The following GNL2 variants were observed in gnomAD, a reference collection of about 807,000 sequenced individuals.
GNL2 encodes the protein nucleolar GTP-binding protein 2.
A neutral mutation model predicts 92.3 loss-of-function variants in GNL2; 51 were observed. The ratio of observed to expected loss-of-function variants is 0.55; its 90% CI spans 0.44 to 0.70. GNL2 has a LOEUF of 0.70. Ranked by LOEUF, GNL2 falls within the 30% of genes least tolerant of loss-of-function variation. The pLI is 0.00. For missense variants in GNL2, 844 were observed against 895.6 expected, an observed-to-expected ratio of 0.94 and a Z score of 0.74; for synonymous variants, 283 against 300.6, an observed-to-expected ratio of 0.94 and a Z score of 0.61.
chr1:37,587,806 T>C (rs1002827142), intron 4 of GNL2, among the ~76,000 whole-genome samples: 2 of 152,258 alleles, frequency 1.3e-5, no homozygotes, highest in Non-Finnish European at 2.9e-5. Context: ...TCATTTATCA[T>C]AAATTTCAGT....
chr1:37,581,581 G>C (rs768049066), intron 8 of GNL2: 1 of 454,944 alleles, frequency 2.2e-6, no homozygotes. Flanking sequence ...GGTCACGGAT[G>C]GGGGCAAAGG....
At chr1:37,569,650 A>C in intron 12 of GNL2, 1 of 216,168 alleles carries the variant, frequency 4.6e-6, no homozygotes, top group Non-Finnish European at 9.3e-6. Context: ...ACACACAACT[A>C]CATAAAAATG....
intron 11 of GNL2, 26 bp from the exon 12 acceptor site, chr1:37,574,482 A>G: frequency 1.3e-6 from 2 of 1,588,862 alleles, no homozygotes. Context: ...GAGATTCCCA[A>G]TTAAATTCAA....
intron 13 of GNL2, 116 bp from the exon 14 acceptor site, chr1:37,568,473 A>T: frequency 1.5e-6 from 1 of 673,086 alleles, no homozygotes; most frequent in Non-Finnish European, 2.7e-6. Context: ...CCAAGTAGTT[A>T]TCACCAGTGG....
intron 2 of GNL2, 32 bp from the exon 3 acceptor site, chr1:37,592,838 C>A: frequency 1.6e-6 from 2 of 1,246,764 alleles, no homozygotes; most frequent in South Asian, 1.2e-5. Flanking sequence ...TATTGGTTGA[C>A]AACAGAAAAA....
intron 8 of GNL2, 136 bp from the exon 9 acceptor site, chr1:37,576,692 C>T (rs775607774): frequency 4.1e-6 from 3 of 729,780 alleles, no homozygotes; most frequent in Admixed American, 5.2e-5. Flanking sequence ...CCTAGATACA[C>T]ACCACCTACA....
chr1:37,594,749 C>T (rs1643911197), intron 1 of GNL2, among the ~76,000 whole-genome samples: 1 of 152,182 alleles, frequency 6.6e-6, no homozygotes, highest in Admixed American at 6.5e-5. Context: ...TCATGTTGGT[C>T]AGGCTGGTCT....
intron 3 of GNL2, among the ~76,000 whole-genome samples, chr1:37,591,711 T>G (rs1643888910): frequency 6.6e-6 from 1 of 152,120 alleles, no homozygotes; most frequent in African/African-American, 2.4e-5. Context: ...TTCACTGTGT[T>G]GGCCAGGCTG....
In GNL2 at chr1:37,579,669, G is replaced by A. The variant is rs189510418; in HGVS notation, c.909+2554C>T. On this transcript the variant is annotated intron_variant, in intron 8 of 15. Transcript: ENST00000373062. ...TCCCAACACTTTGGGAGGCTGAGGC[G>A]GGCGGATCACGAGGTCAAGAGATCA... Among the ~76,000 whole-genome samples, 189 of 151,978 alleles carry A rather than the reference G, an allele frequency of 1.2e-3. 1 individual carries two copies. Among genetic ancestry groups the A allele is most frequent in the African/African-American group, 4.4e-3 (181 of 41,482 alleles).
chr1:37,578,616 G>A (rs1444938345), intron 8 of GNL2, among the ~76,000 whole-genome samples: 2 of 151,490 alleles, frequency 1.3e-5, no homozygotes, highest in South Asian at 2.1e-4. Context: ...GAAGTACAGC[G>A]ACACAATCAC....
intron 13 of GNL2, 131 bp downstream of exon 13, chr1:37,568,716 AAAAC>A (rs577737182): frequency 2.0e-4 from 145 of 726,832 alleles, no homozygotes; most frequent in African/African-American, 4.8e-4. Context: ...GCCGTCTCAA[AAAAC>A]AAACAAACAA....
intron 12 of GNL2, among the ~76,000 whole-genome samples, chr1:37,571,687 C>G (rs1643596327): frequency 1.3e-5 from 2 of 152,194 alleles, no homozygotes; most frequent in Non-Finnish European, 2.9e-5. Flanking sequence ...TCTGCTGCAA[C>G]CTGGTGGTGT....
At chr1:37,573,181 G>A (rs183546157) in intron 12 of GNL2, among the ~76,000 whole-genome samples, 115 of 152,344 alleles carry the variant, frequency 7.5e-4, no homozygotes, top group African/African-American at 2.6e-3. Flanking sequence ...GGTTTGGGCA[G>A]GGAGAAGGGA....
rs1643895413 is a variant in GNL2 at position 37,592,763 on chromosome 1, T to C, written c.193A>G (p.Thr65Ala). Residue 65 changes from threonine to alanine, a missense_variant, in exon 3 of 16, where the codon ACG becomes GCG. Physicochemically the swap from Thr to Ala is moderately conservative, Grantham distance 58. Coordinates refer to ENST00000373062, the MANE Select transcript of GNL2 (RefSeq NM_013285.3). ...CTTGCCACTGTGCCAGAAGCCACCG[T>C]TGATTGATATTGCAGGGGTTTAATT... ...KIIKPLQYQS[T>A]VASGTVARVE... The C allele has an allele frequency of 6.2e-7, 1 of 1,609,102 alleles. No homozygotes were observed. The highest frequency in any genetic ancestry group is 1.1e-5 in the South Asian group (1 of 90,988).
chr1:37,568,739 A>C, intron 13 of GNL2, 112 bp downstream of exon 13: 1 of 792,474 alleles, frequency 1.3e-6, no homozygotes, highest in Non-Finnish European at 2.1e-6. Flanking sequence ...AAAAAACCCA[A>C]CCGAACAAAC....
chr1:37,573,451 G>C (rs1407573208), intron 12 of GNL2, among the ~76,000 whole-genome samples: 1 of 152,228 alleles, frequency 6.6e-6, no homozygotes, highest in Non-Finnish European at 1.5e-5. Flanking sequence ...CACTGCCAGG[G>C]TGAGGGAAAT....
chr1:37,595,526 T>A (rs541958627), intron 1 of GNL2, among the ~76,000 whole-genome samples: 1 of 152,324 alleles, frequency 6.6e-6, no homozygotes, highest in African/African-American at 2.4e-5. Flanking sequence ...TTCAGACCAG[T>A]TGACTACACT....
intron 7 of GNL2, 21 bp from the exon 8 acceptor site, chr1:37,582,357 AT>A: frequency 6.6e-7 from 1 of 1,513,264 alleles, no homozygotes; most frequent in South Asian, 1.2e-5. Flanking sequence ...AGATGAAAAC[AT>A]TTTGGTAAAC....
chr1:37,577,092 CAG>C (rs1277264886), intron 8 of GNL2, among the ~76,000 whole-genome samples: 2 of 148,430 alleles, frequency 1.3e-5, no homozygotes, highest in African/African-American at 5.0e-5. Context: ...GCCTGGGTGA[CAG>C]AGACTCCAGT....
Sources: allele counts gnomAD v4.1 joint callset (sites outside exome capture counted in the v4.1 genomes callset), GRCh38; gene constraint gnomAD v4.1.1; transcripts MANE v1.5; gene names NCBI Gene and HGNC (gene_info 2026-07-23, HGNC 2026-07-21).